COL4A3: variants seen among roughly 807,000 people sequenced by gnomAD.
The protein encoded by COL4A3 is collagen alpha-3(IV) chain.
A neutral mutation model predicts 217.4 loss-of-function variants in COL4A3; 135 were observed. The observed-to-expected ratio is 0.62, with a 90% CI of 0.54 to 0.72. COL4A3 has a LOEUF of 0.72. Ranked by LOEUF, COL4A3 falls within the 30% of genes least tolerant of loss-of-function variation. COL4A3 has a pLI of 0.00. For synonymous variants in COL4A3, 690 were observed against 736.3 expected, an observed-to-expected ratio of 0.94 and a Z score of 1.02; for missense variants, 1,868 against 2,119.9, an observed-to-expected ratio of 0.88 and a Z score of 2.33.
At chr2:227,303,417 C>T (rs183293181) in intron 44 of COL4A3, among the ~76,000 whole-genome samples, 6 of 152,272 alleles carry the variant, frequency 3.9e-5, no homozygotes, top group East Asian at 3.9e-4. Flanking sequence ...GAACTCCTAA[C>T]GTAACTAACT....
chr2:227,201,652 T>C (rs1389134161), intron 1 of COL4A3, among the ~76,000 whole-genome samples: 1 of 152,176 alleles, frequency 6.6e-6, no homozygotes, highest in East Asian at 1.9e-4. Flanking sequence ...ATACCTGATG[T>C]CACTATAGAC....
chr2:227,168,432 T>C (rs79974590), intron 1 of COL4A3, among the ~76,000 whole-genome samples: 7,532 of 152,308 alleles, frequency 0.049, 231 homozygotes, highest in Admixed American at 0.087. Context: ...TTATATTTCC[T>C]TCAGTGTGAA....
intron 1 of COL4A3, among the ~76,000 whole-genome samples, chr2:227,172,419 CATT>C (rs1282316748): frequency 6.6e-6 from 1 of 152,036 alleles, no homozygotes; most frequent in Admixed American, 6.6e-5. Context: ...GCTGACCTCT[CATT>C]ATATCCTCAC....
intron 34 of COL4A3, 122 bp from the exon 35 acceptor site, chr2:227,289,028 T>G (rs541217967): frequency 3.4e-5 from 24 of 706,470 alleles, no homozygotes; most frequent in Non-Finnish European, 4.9e-5. Context: ...TCAGCTCACT[T>G]CAACCTCTGT....
intron 14 of COL4A3, 51 bp downstream of exon 14, chr2:227,254,225 A>G (rs1318102049): frequency 3.0e-5 from 45 of 1,506,312 alleles, no homozygotes; most frequent in Non-Finnish European, 4.1e-5. Flanking sequence ...GTAGAGCCTT[A>G]GTATTTACTT....
intron 1 of COL4A3, among the ~76,000 whole-genome samples, chr2:227,217,501 A>G (rs2067570488): frequency 6.6e-6 from 1 of 152,154 alleles, no homozygotes; most frequent in African/African-American, 2.4e-5. Flanking sequence ...GTTTTATTTG[A>G]CTGTTTGTAC....
intron 2 of COL4A3, 23 bp downstream of exon 2, chr2:227,238,047 C>T (rs183981490): frequency 1.0e-4 from 149 of 1,444,300 alleles, no homozygotes; most frequent in African/African-American, 1.0e-3. Context: ...CCTAATACTG[C>T]TTGTTTACAC....
intron 43 of COL4A3, 68 bp from the exon 44 acceptor site, chr2:227,302,970 A>C: frequency 9.5e-7 from 1 of 1,053,862 alleles, no homozygotes; most frequent in South Asian, 1.3e-5. Flanking sequence ...TGCATTTTTA[A>C]AAAACTGCTG....
chr2:227,215,941 TTGAGTTCCTTA>T (rs1163739103), intron 1 of COL4A3, among the ~76,000 whole-genome samples: 1 of 152,184 alleles, frequency 6.6e-6, no homozygotes, highest in Non-Finnish European at 1.5e-5. Context: ...TAGATGAACC[TTGAGTTCCTTA>T]TGCTAAGTGA....
Position 227,253,255 on chromosome 2 carries a change from T to C in COL4A3, c.646-41T>C, listed in dbSNP as rs764888697. On this transcript the variant is annotated intron_variant, in intron 11 of 51. Transcript: ENST00000396578. The surrounding 1 kb of genome is among the most constrained non-coding windows in gnomAD (Gnocchi z 4.4). ...GATGGGTTTAGACTATTTATTCATA[T>C]TTATTTTTAGAAAATAATTTGGTTT... The C allele has an allele frequency of 2.8e-5, 43 of 1,556,550 alleles. No homozygotes were observed. Among genetic ancestry groups the C allele is most frequent in the Admixed American group, 1.2e-4 (7 of 59,902 alleles).
rs571349874 is a variant in COL4A3 at position 227,200,531 on chromosome 2, A to G, written c.87+35718A>G. ...TGCATATAGATGTAATAGTTGCCCT[A>G]TTTTAGAAAACAAGGAAGGCGCTGG... is the stretch of plus-strand genomic sequence containing the variant. On this transcript the variant is annotated intron_variant, in intron 1 of 51. Coordinates refer to ENST00000396578, the MANE Select transcript of COL4A3 (RefSeq NM_000091.5). Among the ~76,000 whole-genome samples, 4 of 152,298 alleles carry G rather than the reference A, an allele frequency of 2.6e-5. No homozygotes were observed. The South Asian group carries it at 8.3e-4, about 32-fold the overall frequency.
chr2:227,220,166 T>G (rs79923372), intron 1 of COL4A3, among the ~76,000 whole-genome samples: 4,023 of 115,042 alleles, frequency 0.035, 83 homozygotes, highest in Middle Eastern at 0.098. Context: ...GTGTGTGTGT[T>G]TCAGAGACAA....
intron 1 of COL4A3, among the ~76,000 whole-genome samples, chr2:227,186,633 C>T (rs1256466752): frequency 6.6e-6 from 1 of 152,142 alleles, no homozygotes; most frequent in Non-Finnish European, 1.5e-5. Flanking sequence ...GTAGGCTCCA[C>T]CATCTGTAGA....
chr2:227,278,777 G>T (rs1009194661), intron 28 of COL4A3, among the ~76,000 whole-genome samples: 4 of 152,192 alleles, frequency 2.6e-5, no homozygotes, highest in African/African-American at 9.7e-5. Flanking sequence ...AGAGCTCCTT[G>T]AAAGTGGAGA....
intron 1 of COL4A3, among the ~76,000 whole-genome samples, chr2:227,202,799 TATA>T (rs796315604): frequency 0.022 from 2,465 of 113,926 alleles, 490 homozygotes; most frequent in Non-Finnish European, 0.036. Context: ...TGTGTATATA[TATA>T]ATATGTGTAT....
At chr2:227,274,320 AT>A (rs2071426605) in intron 26 of COL4A3, among the ~76,000 whole-genome samples, 2 of 152,040 alleles carry the variant, frequency 1.3e-5, no homozygotes, top group South Asian at 4.1e-4. Context: ...CCTCTAAATC[AT>A]TTTGTAGTGT....
At chr2:227,311,457 A>G (rs1472642646) in intron 51 of COL4A3, among the ~76,000 whole-genome samples, 3 of 151,418 alleles carry the variant, frequency 2.0e-5, no homozygotes, top group East Asian at 3.9e-4. Flanking sequence ...TGGGCTCACT[A>G]GAACCTCCAC....
intron 41 of COL4A3, 30 bp from the exon 42 acceptor site, chr2:227,297,644 A>C: frequency 6.3e-7 from 1 of 1,590,372 alleles, no homozygotes; most frequent in Non-Finnish European, 8.6e-7. Flanking sequence ...ATGGGCATTA[A>C]AGAAACTTAT....
At chr2:227,269,120 G>A (rs142100725) in intron 23 of COL4A3, among the ~76,000 whole-genome samples, 2 of 152,194 alleles carry the variant, frequency 1.3e-5, no homozygotes, top group African/African-American at 4.8e-5. Flanking sequence ...TCATTTAAAG[G>A]GATCATCTTG....
Sources: allele counts gnomAD v4.1 joint callset (sites outside exome capture counted in the v4.1 genomes callset), GRCh38; gene constraint gnomAD v4.1.1; non-coding constraint Gnocchi (gnomAD v3.1); transcripts MANE v1.5; gene names NCBI Gene and HGNC (gene_info 2026-07-23, HGNC 2026-07-21).